Variants in BLTP1 observed in about 807,000 individuals in gnomAD.
BLTP1 encodes fragile site-associated protein.
At chr4:122,267,601 G>A in the BLTP1 span, 4 of 973,122 alleles carry the variant, frequency 4.1e-6, no homozygotes, top group Non-Finnish European at 4.9e-6. Context: ...CTGGGTTGAC[G>A]TGTCAGGTAG....
chr4:122,190,121 G>A, the BLTP1 span: 1 of 1,609,810 alleles, frequency 6.2e-7, no homozygotes, highest in African/African-American at 1.3e-5. Flanking sequence ...TAAAGTGACA[G>A]AGTGAGACTC....
the BLTP1 span, chr4:122,344,361 G>A: frequency 6.2e-7 from 1 of 1,607,462 alleles, no homozygotes; most frequent in Non-Finnish European, 8.5e-7. Context: ...TGGGGGTTGT[G>A]TTTGTTTGTT....
chr4:122,169,810 T>G, the BLTP1 span: 1 of 985,178 alleles, frequency 1.0e-6, no homozygotes, highest in Non-Finnish European at 1.2e-6. Flanking sequence ...GAGGTCTCTT[T>G]ACTGTTCAGA....
At chr4:122,201,357 A>G in the BLTP1 span, among the ~76,000 whole-genome samples, 1 of 152,224 alleles carries the variant, frequency 6.6e-6, no homozygotes, top group African/African-American at 2.4e-5. Flanking sequence ...AAGGAAATGA[A>G]AGAACTCAAT....
chr4:122,325,769 T>C, the BLTP1 span: 2 of 819,594 alleles, frequency 2.4e-6, no homozygotes, highest in Non-Finnish European at 3.4e-6. Context: ...AAAATGTTTA[T>C]TTTGTTTTTT....
the BLTP1 span, chr4:122,289,524 A>G: frequency 4.1e-6 from 4 of 984,386 alleles, no homozygotes; most frequent in Non-Finnish European, 4.8e-6. Context: ...TAAGATTTCA[A>G]CCTTTTGTCT....
the BLTP1 span, chr4:122,331,696 C>T: frequency 1.3e-5 from 13 of 978,444 alleles, no homozygotes; most frequent in Admixed American, 6.2e-5. Context: ...ATTTCTTATA[C>T]AGTTTCTTAT....
At chr4:122,172,192 T>G in the BLTP1 span, 4 of 427,692 alleles carry the variant, frequency 9.4e-6, no homozygotes, top group Non-Finnish European at 1.2e-5. Context: ...GTGATTGTTT[T>G]GCTTTATCCA....
At chr4:122,231,528 A>T in the BLTP1 span, 1 of 419,748 alleles carries the variant, frequency 2.4e-6, no homozygotes, top group Non-Finnish European at 3.2e-6. Flanking sequence ...CTCTGTTGCT[A>T]GTATTTTACA....
chr4:122,347,088 G>C, the BLTP1 span: 1 of 972,920 alleles, frequency 1.0e-6, no homozygotes, highest in East Asian at 1.1e-4. Flanking sequence ...TGATTACTCT[G>C]TAATCCTTTT....
chr4:122,289,038 T>G, the BLTP1 span: 5 of 1,563,278 alleles, frequency 3.2e-6, no homozygotes, highest in Non-Finnish European at 3.5e-6. Context: ...AAGAAAAAAG[T>G]GTAAAGCTAA....
the BLTP1 span, among the ~76,000 whole-genome samples, chr4:122,351,620 G>C: frequency 1.3e-5 from 2 of 152,244 alleles, no homozygotes; most frequent in South Asian, 2.1e-4. Flanking sequence ...TTATTGAAGA[G>C]ATGTAGCCAA....
At chr4:122,232,121 G>A in the BLTP1 span, 1 of 985,346 alleles carries the variant, frequency 1.0e-6, no homozygotes, top group Non-Finnish European at 1.2e-6. Context: ...CATTTAGGTT[G>A]GTTTCAGTGC....
At chr4:122,201,057 T>C in the BLTP1 span, 1 of 1,613,816 alleles carries the variant, frequency 6.2e-7, no homozygotes, top group Non-Finnish European at 8.5e-7. Flanking sequence ...GCCGCAGACA[T>C]GGCAGTGTGA....
the BLTP1 span, chr4:122,152,498 C>G: frequency 4.1e-5 from 40 of 985,794 alleles, no homozygotes; most frequent in Non-Finnish European, 4.8e-5. Context: ...GTGCTGCTGC[C>G]GTCGCCGCCC....
the BLTP1 span, among the ~76,000 whole-genome samples, chr4:122,300,718 A>G: frequency 6.6e-6 from 1 of 152,188 alleles, no homozygotes; most frequent in African/African-American, 2.4e-5. Context: ...ATAGGGGAAG[A>G]AAACATTCCA....
chr4:122,190,086 T>C, the BLTP1 span: 5 of 1,611,668 alleles, frequency 3.1e-6, no homozygotes, highest in Non-Finnish European at 4.2e-6. Flanking sequence ...CCAGGTATTG[T>C]TGTTGTTGTT....
the BLTP1 span, chr4:122,229,014 A>G: frequency 1.1e-6 from 1 of 934,534 alleles, no homozygotes; most frequent in Middle Eastern, 3.6e-4. Context: ...TTTTTAAAAA[A>G]TACATCAATA....
At chr4:122,191,662 A>T in the BLTP1 span, among the ~76,000 whole-genome samples, 1 of 152,154 alleles carries the variant, frequency 6.6e-6, no homozygotes, top group South Asian at 2.1e-4. Flanking sequence ...ACCTTTAAGA[A>T]ATTTCCATTT....
Sources: allele counts gnomAD v4.1 joint callset (sites outside exome capture counted in the v4.1 genomes callset), GRCh38; gene constraint gnomAD v4.1.1; transcripts MANE v1.5; gene names NCBI Gene and HGNC (gene_info 2026-07-23, HGNC 2026-07-21).